The following RFLNA variants were observed in gnomAD, a reference collection of about 807,000 sequenced individuals.
RFLNA encodes the protein refilin A.
A neutral mutation model predicts 7.8 loss-of-function variants in RFLNA; 5 were observed. The ratio of observed to expected loss-of-function variants is 0.64; its 90% CI spans 0.34 to 1.35. The LOEUF (loss-of-function observed/expected upper bound fraction) is 1.35, where lower values mean the gene tolerates loss of function less well. RFLNA is among the 40% of genes most tolerant of loss of function. The pLI, the probability that RFLNA is intolerant of heterozygous loss-of-function variation, is 0.04. For missense variants in RFLNA, 278 were observed against 305.5 expected (o/e 0.91, Z 0.67); for synonymous variants, 141 against 131.3 (o/e 1.07, Z -0.50).
Position 124,295,358 on chromosome 12 carries a change from T to A in RFLNA, c.-72T>A, listed in dbSNP as rs2033887805. ...GCGCAGCTCTCGCCCCGCCGCCGCC[T>A]GCCCCGGGCCCCGGAGCGCGGTGGA... On this transcript the variant is annotated 5_prime_UTR_variant, in exon 1 of 3. Coordinates refer to ENST00000546355, the MANE Select transcript of RFLNA (RefSeq NM_001365156.1). 1 of 957,010 alleles carries A rather than the reference T, an allele frequency of 1.0e-6. No individual in the cohort carries two copies. Among genetic ancestry groups the A allele is most frequent in the Non-Finnish European group, 1.3e-6 (1 of 742,884 alleles). The allele number at this position is 957,010 out of a possible 1,614,324, so 59.3% of individuals were successfully genotyped here.
chr12:124,299,080 T>G (rs1206992216), intron 1 of RFLNA, among the ~76,000 whole-genome samples: 4 of 152,264 alleles, frequency 2.6e-5, no homozygotes, highest in Non-Finnish European at 4.4e-5. Context: ...TTTTAAAAAC[T>G]ACTTGTGACT....
chr12:124,313,819 C>A (rs148465703), intron 2 of RFLNA, among the ~76,000 whole-genome samples: 3 of 152,214 alleles, frequency 2.0e-5, no homozygotes, highest in Admixed American at 6.5e-5. Flanking sequence ...ACAGGGACAT[C>A]CTCTTCCATG....
intron 1 of RFLNA, among the ~76,000 whole-genome samples, chr12:124,302,410 C>G (rs1253254740): frequency 6.6e-6 from 1 of 152,092 alleles, no homozygotes; most frequent in African/African-American, 2.4e-5. Flanking sequence ...CTTGCTGGGC[C>G]CTTGATAGTT....
intron 1 of RFLNA, among the ~76,000 whole-genome samples, chr12:124,300,626 G>A (rs2034010937): frequency 6.6e-6 from 1 of 151,800 alleles, no homozygotes; most frequent in Non-Finnish European, 1.5e-5. Flanking sequence ...AAGAATGGGT[G>A]GATGGATGGA....
chr12:124,304,940 T>C (rs146248333), intron 1 of RFLNA, among the ~76,000 whole-genome samples: 330 of 152,348 alleles, frequency 2.2e-3, no homozygotes, highest in African/African-American at 7.4e-3. Flanking sequence ...AACAAACACC[T>C]GCACGCACTT....
At chr12:124,313,289 C>G (rs942311622) in intron 2 of RFLNA, among the ~76,000 whole-genome samples, 1 of 152,126 alleles carries the variant, frequency 6.6e-6, no homozygotes, top group Non-Finnish European at 1.5e-5. Flanking sequence ...TTTCCTAAAG[C>G]TCTGGACGTG....
chr12:124,312,039 G>T, intron 2 of RFLNA, 112 bp downstream of exon 2: 2 of 1,292,352 alleles, frequency 1.5e-6, no homozygotes, highest in Non-Finnish European at 2.0e-6. Context: ...GGCTCAGGAG[G>T]CTCCCTACCC....
At chr12:124,291,463 G>A (rs1377358809), upstream of RFLNA, among the ~76,000 whole-genome samples, 2 of 152,074 alleles carry the variant, frequency 1.3e-5, no homozygotes, top group Non-Finnish European at 2.9e-5. Context: ...CACCATGTTG[G>A]TCAGGCTGGT....
intron 1 of RFLNA, among the ~76,000 whole-genome samples, chr12:124,302,464 T>TC (rs1032144182): frequency 1.3e-5 from 2 of 151,252 alleles, no homozygotes; most frequent in Non-Finnish European, 2.9e-5. Flanking sequence ...TCTCCTGGGA[T>TC]CCCCCCCAAG....
In RFLNA at chr12:124,315,651, G is replaced by GAGCCCCCAGCCTGGGGC. The variant is rs2034338380; in HGVS notation, c.*1132_*1148dup. On this transcript the variant is annotated 3_prime_UTR_variant, in exon 3 of 3. Coordinates refer to ENST00000546355, the MANE Select transcript of RFLNA (RefSeq NM_001365156.1). ...AGCCAGGATGCACGGGGAGCTGGGG[G>GAGCCCCCAGCCTGGGGC]AGCCCCCAGCCTGGGGCAGCCCAGC... 1 of 152,266 alleles carries GAGCCCCCAGCCTGGGGC rather than the reference G, an allele frequency of 6.6e-6. No homozygotes were observed. Among genetic ancestry groups the GAGCCCCCAGCCTGGGGC allele is most frequent in the East Asian group, 1.9e-4 (1 of 5,176 alleles). The allele number at this position is 152,266 out of a possible 1,614,324, so 9.4% of individuals were successfully genotyped here. A position where few individuals can be genotyped will look rare whatever the true frequency, so the allele number is the denominator to read the frequency against.
upstream of RFLNA, among the ~76,000 whole-genome samples, chr12:124,295,003 C>G (rs1292926416): frequency 6.6e-6 from 1 of 151,664 alleles, no homozygotes; most frequent in Non-Finnish European, 1.5e-5. Flanking sequence ...GGCGCCGGGC[C>G]GGGGCTGTTG....
At position 124,314,806 on chromosome 12, in the gene RFLNA, C is replaced by T. The variant is rs2034322092; in HGVS notation, c.*281C>T. 11 of 642,396 alleles carry T rather than the reference C, an allele frequency of 1.7e-5. No individual in the cohort carries two copies. The highest frequency in any genetic ancestry group is 1.5e-4 in the South Asian group (10 of 66,062). 39.8% of individuals were successfully genotyped at this position (642,396 alleles called of 1,614,324 possible). Reference sequence around the variant, plus strand: ...AGGGGCATGCACTGTTAGGTGGTGGCCACCCCCAGGGTCAGGGGAAAAGAA... The same window carrying T: ...AGGGGCATGCACTGTTAGGTGGTGGTCACCCCCAGGGTCAGGGGAAAAGAA... On this transcript the variant is annotated 3_prime_UTR_variant, in exon 3 of 3. Coordinates refer to ENST00000546355, the MANE Select transcript of RFLNA (RefSeq NM_001365156.1).
chr12:124,301,170 G>A (rs1314531420), intron 1 of RFLNA, among the ~76,000 whole-genome samples: 2 of 152,204 alleles, frequency 1.3e-5, no homozygotes, highest in Non-Finnish European at 2.9e-5. Flanking sequence ...GGGAGGCTGT[G>A]AGGAGGGAGA....
intron 1 of RFLNA, among the ~76,000 whole-genome samples, chr12:124,299,005 C>T (rs1021362973): frequency 2.6e-5 from 4 of 152,198 alleles, no homozygotes; most frequent in East Asian, 1.9e-4. Context: ...ACCGGAGGGC[C>T]GGGAGAGGCC....
rs1299079230 is a variant in RFLNA at position 124,295,485 on chromosome 12, G to A, written c.56G>A (p.Arg19Gln). 7.8e-7 allele frequency: 1 copy of A among 1,276,902 alleles called. No individual in the cohort carries two copies. Among genetic ancestry groups the A allele is most frequent in the South Asian group, 2.8e-5 (1 of 36,124 alleles). The allele number at this position is 1,276,902 out of a possible 1,614,324, so 79.1% of individuals were successfully genotyped here. Residue 19 changes from arginine (R) to glutamine (Q), a missense_variant, in exon 1 of 3, where the codon CGG (arginine) becomes CAG (glutamine). By Grantham distance (43) the Arg-to-Gln change is conservative. Coordinates refer to ENST00000546355, the MANE Select transcript of RFLNA (RefSeq NM_001365156.1). ...GMEDSLKEQG[R>Q]EGLLDSPDSG... Reference sequence around the variant, plus strand: ...GAGGACAGCCTGAAGGAGCAGGGCCGGGAGGGCTTGCTGGACAGCCCCGAC... The same window carrying A: ...GAGGACAGCCTGAAGGAGCAGGGCCAGGAGGGCTTGCTGGACAGCCCCGAC...
chr12:124,310,577 G>A (rs376786829), intron 1 of RFLNA, among the ~76,000 whole-genome samples: 2 of 148,016 alleles, frequency 1.4e-5, no homozygotes, highest in East Asian at 2.0e-4. Context: ...TTGAGGAGCA[G>A]GATGGGGTGG....
At chr12:124,311,195 T>C (rs1165669494) in intron 1 of RFLNA, among the ~76,000 whole-genome samples, 1 of 152,226 alleles carries the variant, frequency 6.6e-6, no homozygotes, top group Non-Finnish European at 1.5e-5. Flanking sequence ...ATCCAGTCCT[T>C]GTCCTCAGGG....
In RFLNA at chr12:124,308,044, C is replaced by T. The variant is rs993269788; in HGVS notation, c.208-3774C>T. ...TTGCCCAGGCTGGAGTACAGTGGCGCGATCTCGGCTCACTGCAACCTCTGC... is the reference window on the plus strand; with the variant it reads ...TTGCCCAGGCTGGAGTACAGTGGCGTGATCTCGGCTCACTGCAACCTCTGC... On this transcript the variant is annotated intron_variant, in intron 1 of 2. Transcript: ENST00000546355. Among the ~76,000 whole-genome samples the T allele has an allele frequency of 4.6e-5, 7 of 151,382 alleles. No individual in the cohort carries two copies. The South Asian group carries it at 6.3e-4, about 14-fold the overall frequency.
intron 1 of RFLNA, among the ~76,000 whole-genome samples, chr12:124,308,694 G>C (rs2135689273): frequency 6.6e-6 from 1 of 152,354 alleles, no homozygotes; most frequent in East Asian, 1.9e-4. Context: ...CAGAGCCAGG[G>C]GCAAACCCGG....
Sources: gnomAD v4.1 joint callset for allele counts (sites outside exome capture counted in the v4.1 genomes callset) on GRCh38, gnomAD v4.1.1 for gene constraint, MANE v1.5 for transcripts, NCBI Gene and HGNC (gene_info 2026-07-23, HGNC 2026-07-21) for gene names.